Variants in IARS1 observed in about 807,000 individuals in gnomAD.
IARS1 encodes isoleucine--tRNA ligase, cytoplasmic.
In IARS1, 124 loss-of-function variants were observed where a neutral mutation model predicts 168.2. That is an observed-to-expected ratio of 0.74 (90% CI 0.64 to 0.86). IARS1 has a LOEUF of 0.86. Ranked by LOEUF, IARS1 falls within the 40% of genes least tolerant of loss-of-function variation. The pLI is 0.00. For missense variants in IARS1, 1,452 were observed against 1,515.8 expected (o/e 0.96, Z 0.70); for synonymous variants, 532 against 529.4 (o/e 1.00, Z -0.07).
At position 92,252,529 on chromosome 9, in the gene IARS1, G is replaced by A. The variant is rs531547829; in HGVS notation, c.2230-644C>T. The A allele has an allele frequency of 1.7e-4, 72 of 419,876 alleles. 1 individual carries two copies. In the East Asian group the frequency reaches 3.3e-3, roughly 19 times the overall value. 26.0% of individuals were successfully genotyped at this position (419,876 alleles called of 1,614,324 possible). On this transcript the variant is annotated intron_variant, in intron 21 of 33. Coordinates refer to ENST00000443024, the MANE Select transcript of IARS1 (RefSeq NM_002161.6). The stretch of plus-strand genomic sequence containing the variant: ...CACCTGTAACACCACTGCTTTGAGA[G>A]GCTGAGGCCAGTGGATCACCTGAGG...
chr9:92,267,731 T>C (rs113060060), intron 14 of IARS1, among the ~76,000 whole-genome samples: 6 of 152,328 alleles, frequency 3.9e-5, no homozygotes, highest in African/African-American at 1.4e-4. Context: ...TCTATATATC[T>C]ACACACATCC....
chr9:92,219,640 G>A (rs367707061), intron 33 of IARS1, among the ~76,000 whole-genome samples: 1 of 151,464 alleles, frequency 6.6e-6, no homozygotes, highest in Non-Finnish European at 1.5e-5. Context: ...AAGAAGACAT[G>A]TATGCAGCCA....
At chr9:92,223,569 A>T (rs768809380) in intron 31 of IARS1, 80 bp from the exon 32 acceptor site, 11 of 1,159,738 alleles carry the variant, frequency 9.5e-6, no homozygotes, top group Non-Finnish European at 1.4e-5. Context: ...CTATTTAACT[A>T]TCATGTATCT....
chr9:92,256,834 C>T lies in IARS1; in HGVS notation c.2017-34G>A, dbSNP rs187279129. The T allele has an allele frequency of 6.8e-5, 108 of 1,582,382 alleles. No individual in the cohort carries two copies. In the Admixed American group the frequency reaches 1.5e-3, roughly 22 times the overall value. ...GAACAATTAATGAAACACTGGCACA[C>T]TTGGGAAGAAAGTTACTATGAGGAA... On this transcript the variant is annotated intron_variant, in intron 19 of 33. Transcript: ENST00000443024.
At chr9:92,215,687 A>T (rs1335542533) in intron 33 of IARS1, among the ~76,000 whole-genome samples, 1 of 152,106 alleles carries the variant, frequency 6.6e-6, no homozygotes, top group Non-Finnish European at 1.5e-5. Context: ...GGAAGATGAA[A>T]TGAATGAAAT....
At chr9:92,226,920 G>T (rs1825787905) in intron 31 of IARS1, among the ~76,000 whole-genome samples, 1 of 142,330 alleles carries the variant, frequency 7.0e-6, no homozygotes, top group Non-Finnish European at 1.5e-5. Flanking sequence ...GTGAACAAAG[G>T]TCTCTGGTTT....
At chr9:92,261,088 C>T (rs564470742) in intron 17 of IARS1, among the ~76,000 whole-genome samples, 2 of 152,230 alleles carry the variant, frequency 1.3e-5, no homozygotes, top group Non-Finnish European at 2.9e-5. Flanking sequence ...GCAGGTGGAT[C>T]GCCTGAGCTC....
At chr9:92,284,980 A>G (rs1835207974) in intron 6 of IARS1, among the ~76,000 whole-genome samples, 1 of 152,240 alleles carries the variant, frequency 6.6e-6, no homozygotes, top group Admixed American at 6.5e-5. Context: ...AGATCAATCA[A>G]ACAGGATATG....
chr9:92,283,780 A>G (rs191652664), intron 6 of IARS1, among the ~76,000 whole-genome samples: 74 of 152,364 alleles, frequency 4.9e-4, no homozygotes, highest in Non-Finnish European at 9.7e-4. Flanking sequence ...ATTTAAAAAA[A>G]TAAATAAATA....
intron 25 of IARS1, 63 bp from the exon 26 acceptor site, chr9:92,247,614 G>T: frequency 6.9e-7 from 1 of 1,445,744 alleles, no homozygotes; most frequent in South Asian, 1.2e-5. Flanking sequence ...ACACAAAAAT[G>T]TAGGTCCACA....
chr9:92,255,042 C>G (rs1587810436), intron 20 of IARS1, among the ~76,000 whole-genome samples: 1 of 152,174 alleles, frequency 6.6e-6, no homozygotes, highest in African/African-American at 2.4e-5. Flanking sequence ...GAGGGAAAAG[C>G]AGACACAGGT....
chr9:92,235,397 C>T (rs1161496354), intron 30 of IARS1, among the ~76,000 whole-genome samples: 1 of 151,876 alleles, frequency 6.6e-6, no homozygotes, highest in Non-Finnish European at 1.5e-5. Context: ...CTCATCTCTT[C>T]CTATTTTTGT....
chr9:92,242,089 G>T, intron 29 of IARS1, 65 bp downstream of exon 29: 1 of 1,224,920 alleles, frequency 8.2e-7, no homozygotes, highest in South Asian at 1.3e-5. Context: ...ATCAACACGT[G>T]AGTACACAAA....
Position 92,260,260 on chromosome 9 carries a change from A to C in IARS1, c.1788-26T>G, listed in dbSNP as rs548601090. The C allele has an allele frequency of 2.2e-6, 3 of 1,366,512 alleles. No individual in the cohort carries two copies. In the South Asian group the frequency reaches 3.5e-5, roughly 16 times the overall value. 84.6% of individuals were successfully genotyped at this position (1,366,512 alleles called of 1,614,324 possible). ...CTTGTAAAACAAAAGGGAGATGCCA[A>C]TTAAGTAAGTCAATATCACAGATGA... On this transcript the variant is annotated intron_variant, in intron 17 of 33. Coordinates refer to ENST00000443024, the MANE Select transcript of IARS1 (RefSeq NM_002161.6).
At position 92,258,782 on chromosome 9, in the gene IARS1, C is replaced by T. The variant is rs1831097218; in HGVS notation, c.2016+72G>A. On this transcript the variant is annotated intron_variant, in intron 19 of 33. Transcript: ENST00000443024. ...AGCCCTAAAGTCTCACACAGAGCTC[C>T]ACCTCACAGCTTGGTGAAGGGAGCG... 2.5e-5 allele frequency: 36 copies of T among 1,452,278 alleles called. No individual in the cohort carries two copies. The South Asian group carries it at 4.8e-4, about 19-fold the overall frequency. 90.0% of individuals were successfully genotyped at this position (1,452,278 alleles called of 1,614,324 possible).
chr9:92,248,842 T>C (rs1477432863), intron 25 of IARS1, among the ~76,000 whole-genome samples: 2 of 152,020 alleles, frequency 1.3e-5, no homozygotes, highest in Non-Finnish European at 2.9e-5. Flanking sequence ...GAATAAACAA[T>C]GAAATTTTAA....
chr9:92,272,461 T>G (rs1368946544), intron 10 of IARS1, among the ~76,000 whole-genome samples: 2 of 152,222 alleles, frequency 1.3e-5, no homozygotes, highest in African/African-American at 4.8e-5. Context: ...GAACCAGTGA[T>G]GTTCAACAGG....
Position 92,287,858 on chromosome 9 carries a change from T to G in IARS1, c.329A>C (p.Lys110Thr). The G allele has an allele frequency of 6.2e-7, 1 of 1,613,980 alleles. No homozygotes were observed. The highest frequency in any genetic ancestry group is 8.5e-7 in the Non-Finnish European group (1 of 1,179,912). ...LGIRGPEDVA[K>T]MGITEYNNQC... ...ATTGTTATACTCTGTAATCCCCATT[T>G]TGGCCACATCCTCTGGTCCTCTGAT... The change falls in exon 4 of 34, where the codon AAA becomes ACA. Residue 110 changes from lysine to threonine, a missense_variant. Physicochemically the swap from Lys to Thr is moderately conservative, Grantham distance 78. Coordinates refer to ENST00000443024, the MANE Select transcript of IARS1 (RefSeq NM_002161.6).
intron 31 of IARS1, among the ~76,000 whole-genome samples, chr9:92,225,137 T>C (rs1377535702): frequency 1.3e-5 from 2 of 152,252 alleles, no homozygotes; most frequent in African/African-American, 4.8e-5. Context: ...GTTTCCATTA[T>C]GGGAAAAGGC....
Sources: gnomAD v4.1 joint callset for allele counts (sites outside exome capture counted in the v4.1 genomes callset) on GRCh38, gnomAD v4.1.1 for gene constraint, MANE v1.5 for transcripts, NCBI Gene and HGNC (gene_info 2026-07-23, HGNC 2026-07-21) for gene names.